GRIK1: variants seen among roughly 807,000 people sequenced by gnomAD.
GRIK1 encodes glutamate receptor ionotropic, kainate 1.
GRIK1 carries 69 observed loss-of-function variants against 105.7 expected under a neutral mutation model. The ratio of observed to expected loss-of-function variants is 0.65; its 90% CI spans 0.54 to 0.80. The LOEUF is 0.80. Ranked by LOEUF, GRIK1 falls within the 30% of genes least tolerant of loss-of-function variation. The pLI, the probability that GRIK1 is intolerant of heterozygous loss-of-function variation, is 0.00. For missense variants in GRIK1, 1,109 were observed against 1,167.3 expected (o/e 0.95, Z 0.73); for synonymous variants, 438 against 431.3 (o/e 1.02, Z -0.19).
In GRIK1 at chr21:29,821,063, A is replaced by C. The variant is rs994184886; in HGVS notation, c.118+118320T>G. On this transcript the variant is annotated intron_variant, in intron 1 of 17. Coordinates refer to ENST00000327783, the MANE Select transcript of GRIK1 (RefSeq NM_001330994.2). The stretch of plus-strand genomic sequence containing the variant: ...CAACCCTCCCAACACACAGTAAAAA[A>C]AAAAAAAAATCCATGTATAACTGTT... 3.9e-5 allele frequency among the ~76,000 whole-genome samples: 6 copies of C among 151,940 alleles called. No individual in the cohort carries two copies. In the East Asian group the frequency reaches 1.2e-3, roughly 30 times the overall value.
intron 1 of GRIK1, among the ~76,000 whole-genome samples, chr21:29,892,801 T>G (rs1279605777): frequency 6.6e-6 from 1 of 152,242 alleles, no homozygotes; most frequent in Non-Finnish European, 1.5e-5. Context: ...CTATTTAGTG[T>G]ATCATATTTG....
intron 7 of GRIK1, among the ~76,000 whole-genome samples, chr21:29,635,744 T>A (rs1264577787): frequency 1.3e-5 from 2 of 152,158 alleles, no homozygotes; most frequent in Non-Finnish European, 1.5e-5. Context: ...AAATCCAGCA[T>A]ACTTTGTGGG....
chr21:29,668,185 A>G (rs1034592331), intron 4 of GRIK1, among the ~76,000 whole-genome samples: 3 of 152,220 alleles, frequency 2.0e-5, no homozygotes. Context: ...TTTGGGGGAA[A>G]AGGACAAAGA....
At chr21:29,554,142 G>T (rs536731996) in intron 16 of GRIK1, among the ~76,000 whole-genome samples, 1 of 152,070 alleles carries the variant, frequency 6.6e-6, no homozygotes, top group Admixed American at 6.6e-5. Flanking sequence ...GGTCCAGTGC[G>T]AAATGAAAAT....
At chr21:29,798,504 G>T (rs1308582854) in intron 1 of GRIK1, among the ~76,000 whole-genome samples, 1 of 152,120 alleles carries the variant, frequency 6.6e-6, no homozygotes, top group African/African-American at 2.4e-5. Flanking sequence ...CTAAAATTCT[G>T]CAATTTGAAT....
chr21:29,721,884 A>G (rs1334012093), intron 1 of GRIK1, among the ~76,000 whole-genome samples: 1 of 152,062 alleles, frequency 6.6e-6, no homozygotes, highest in Non-Finnish European at 1.5e-5. Context: ...CTCCTGAACT[A>G]CTGTTGTTCA....
rs1023209083 is a variant in GRIK1, at chr21:29,653,446, TAAA to T, written c.780+1361_780+1363del. On this transcript the variant is annotated intron_variant, in intron 5 of 17. Coordinates refer to ENST00000327783, the MANE Select transcript of GRIK1 (RefSeq NM_001330994.2). ...AATGAGTGTTAGGGGTGAAGAGGAATAAAAGTGCACATTTATTCATCCTCTATG... is the reference window on the plus strand; with the variant it reads ...AATGAGTGTTAGGGGTGAAGAGGAATAGTGCACATTTATTCATCCTCTATG... Among the ~76,000 whole-genome samples the T allele has an allele frequency of 3.5e-4, 53 of 152,358 alleles. 2 individuals are homozygous for T. Among genetic ancestry groups the T allele is most frequent in the African/African-American group, 1.3e-3 (52 of 41,584 alleles).
rs549305180 is a variant in GRIK1, at chr21:29,713,889, G to A, written c.119-19826C>T. On this transcript the variant is annotated intron_variant, in intron 1 of 17. Coordinates refer to ENST00000327783, the MANE Select transcript of GRIK1 (RefSeq NM_001330994.2). ...GGTGTAGCACCTCTTAATTTTTATT[G>A]CACTAATTTGTTTACATTAGTCTCC... Among the ~76,000 whole-genome samples the A allele has an allele frequency of 3.3e-5, 5 of 151,816 alleles. No individual in the cohort carries two copies. The South Asian group carries it at 1.0e-3, about 32-fold the overall frequency.
intron 1 of GRIK1, among the ~76,000 whole-genome samples, chr21:29,828,401 A>G (rs150901976): frequency 3.9e-5 from 6 of 152,278 alleles, no homozygotes; most frequent in Non-Finnish European, 8.8e-5. Flanking sequence ...ATTTAATATT[A>G]TAAATGAATA....
chr21:29,619,157 G>A lies in GRIK1; in HGVS notation c.1099-20220C>T, dbSNP rs982572082. ...AAAAAAAAAAAAGAATGATACAATG[G>A]GTTGGGCACGATGCCTCACGCCTGT... is the stretch of plus-strand genomic sequence containing the variant. On this transcript the variant is annotated intron_variant, in intron 7 of 17. Transcript: ENST00000327783. Among the ~76,000 whole-genome samples, 7 of 148,534 alleles carry A rather than the reference G, an allele frequency of 4.7e-5. No homozygotes were observed. In the Admixed American group the frequency reaches 4.7e-4, roughly 10 times the overall value.
intron 1 of GRIK1, among the ~76,000 whole-genome samples, chr21:29,871,844 G>T (rs971833495): frequency 6.9e-6 from 1 of 143,972 alleles, no homozygotes; most frequent in South Asian, 2.2e-4. Flanking sequence ...GCTCACTGCA[G>T]CCTCAACCTC....
At chr21:29,601,259 GA>G (rs1354528939) in intron 7 of GRIK1, 1 of 503,428 alleles carries the variant, frequency 2.0e-6, no homozygotes, top group African/African-American at 1.9e-5. Flanking sequence ...CTGTTCTTGA[GA>G]ACAGGAGATT....
intron 1 of GRIK1, among the ~76,000 whole-genome samples, chr21:29,788,437 A>C (rs1201566458): frequency 1.3e-5 from 2 of 152,190 alleles, no homozygotes; most frequent in African/African-American, 4.8e-5. Context: ...CAGTGAGCAC[A>C]GTTGAGATGG....
rs180684117 is a variant in GRIK1 at position 29,614,517 on chromosome 21, G to A, written c.1099-15580C>T. 1.7e-3 allele frequency among the ~76,000 whole-genome samples: 246 copies of A among 143,798 alleles called. 4 individuals are homozygous for A. Among genetic ancestry groups the A allele is most frequent in the African/African-American group, 6.3e-3 (238 of 37,776 alleles). The allele number at this position is 143,798 out of a possible 152,430, so 94.3% of individuals were successfully genotyped here. ...CAACCTCTGCCTCCCGGGTTCAAGC[G>A]ATTCTCTGGTCTCAGCCTCCCAAGT... On this transcript the variant is annotated intron_variant, in intron 7 of 17. Transcript: ENST00000327783.
chr21:29,937,530 T>C (rs78823397), intron 1 of GRIK1, among the ~76,000 whole-genome samples: 107 of 152,314 alleles, frequency 7.0e-4, no homozygotes, highest in African/African-American at 2.5e-3. Flanking sequence ...CTTAGAAAAA[T>C]ACTGAGATCT....
At chr21:29,560,357 T>TTCTG (rs1555835104) in intron 15 of GRIK1, among the ~76,000 whole-genome samples, 1 of 58,112 alleles carries the variant, frequency 1.7e-5, no homozygotes, top group Admixed American at 1.8e-4. Flanking sequence ...CTTTCTTTCT[T>TTCTG]TTTCTTTCTT....
At chr21:29,607,723 C>T (rs2061651576) in intron 7 of GRIK1, among the ~76,000 whole-genome samples, 1 of 152,052 alleles carries the variant, frequency 6.6e-6, no homozygotes, top group Non-Finnish European at 1.5e-5. Flanking sequence ...TTCTGATGTA[C>T]TTTTTTGTTT....
chr21:29,833,628 AACTC>A (rs1364079947), intron 1 of GRIK1, among the ~76,000 whole-genome samples: 1 of 152,126 alleles, frequency 6.6e-6, no homozygotes, highest in Non-Finnish European at 1.5e-5. Flanking sequence ...ATCTCATGAG[AACTC>A]ACTCACTGTC....
At chr21:29,723,007 T>C (rs1286144191) in intron 1 of GRIK1, among the ~76,000 whole-genome samples, 2 of 152,310 alleles carry the variant, frequency 1.3e-5, no homozygotes, top group East Asian at 3.9e-4. Flanking sequence ...CACTTATTAC[T>C]GGATAAAAAG....
Sources: gnomAD v4.1 joint callset for allele counts (sites outside exome capture counted in the v4.1 genomes callset) on GRCh38, gnomAD v4.1.1 for gene constraint, MANE v1.5 for transcripts, NCBI Gene and HGNC (gene_info 2026-07-23, HGNC 2026-07-21) for gene names.